Variants in DYNLT2B observed in about 807,000 individuals in gnomAD.
DYNLT2B encodes the protein dynein light chain Tctex-type protein 2B.
A neutral mutation model predicts 19.5 loss-of-function variants in DYNLT2B; 14 were observed. That is an observed-to-expected ratio of 0.72 (90% CI 0.47 to 1.12). DYNLT2B has a LOEUF of 1.12. DYNLT2B is among the 50% of genes most tolerant of loss of function. DYNLT2B has a pLI of 0.00. For synonymous variants in DYNLT2B, 70 were observed against 59.7 expected, an observed-to-expected ratio of 1.17 and a Z score of -0.79; for missense variants, 133 against 174.7, an observed-to-expected ratio of 0.76 and a Z score of 1.35.
At chr3:196,292,534 A>G (rs141105997) in intron 4 of DYNLT2B, 1 of 152,352 alleles carries the variant, frequency 6.6e-6, no homozygotes, top group Non-Finnish European at 1.5e-5. Context: ...GAAATGAAAA[A>G]AAGGAACATA....
At chr3:196,306,506 TATG>T (rs1726492734) in intron 3 of DYNLT2B, among the ~76,000 whole-genome samples, 2 of 152,130 alleles carry the variant, frequency 1.3e-5, no homozygotes, top group African/African-American at 2.4e-5. Context: ...CAGCATATTT[TATG>T]ATATTAAGGA....
Position 196,318,099 on chromosome 3 carries a change from A to T in DYNLT2B, c.54T>A (p.Ala18=). ...SFSVGDGVPE[A]EKNAGEPENT... ...TCTCGGGCTCCCCTGCGTTCTTCTCAGCCTCAGGCACCCCGTCGCCCACCG... is the reference window on the plus strand; with the variant it reads ...TCTCGGGCTCCCCTGCGTTCTTCTCTGCCTCAGGCACCCCGTCGCCCACCG... The change falls in exon 1 of 5, where the codon GCT becomes GCA. Residue 18 remains alanine, a synonymous_variant. Coordinates refer to ENST00000325318, the MANE Select transcript of DYNLT2B (RefSeq NM_152773.5). 6.4e-7 allele frequency: 1 copy of T among 1,560,066 alleles called. No homozygotes were observed. The highest frequency in any genetic ancestry group is 1.4e-5 in the African/African-American group (1 of 68,992).
rs1372143369 is a variant in DYNLT2B at position 196,316,146 on chromosome 3, G to A, written c.199C>T (p.Pro67Ser). 1.9e-6 allele frequency: 3 copies of A among 1,613,568 alleles called. No individual in the cohort carries two copies. The highest frequency in any genetic ancestry group is 1.7e-5 in the Admixed American group (1 of 59,960). Reference protein sequence around the residue: ...ANAEYSPEEMPQLTKHLSENI... With the variant: ...ANAEYSPEEMSQLTKHLSENI... ...TCTGATAAATGTTTTGTAAGCTGAG[G>A]CATTTCTTCTGGAGAATATTCAGCA... The change falls in exon 2 of 5, where the codon CCT becomes TCT. Residue 67 changes from proline to serine, a missense_variant. Transcript: ENST00000325318.
intron 2 of DYNLT2B, among the ~76,000 whole-genome samples, chr3:196,315,039 G>C (rs900130828): frequency 2.6e-4 from 39 of 151,988 alleles, no homozygotes; most frequent in African/African-American, 9.4e-4. Context: ...AAATACAGGG[G>C]AAAGGAGTCC....
At chr3:196,308,165 C>T (rs552409515) in intron 2 of DYNLT2B, among the ~76,000 whole-genome samples, 1 of 150,406 alleles carries the variant, frequency 6.6e-6, no homozygotes, top group East Asian at 2.0e-4. Flanking sequence ...GTATGATGTA[C>T]ATCAGGAACA....
At chr3:196,303,371 C>T (rs997835987) in intron 3 of DYNLT2B, among the ~76,000 whole-genome samples, 3 of 152,118 alleles carry the variant, frequency 2.0e-5, no homozygotes, top group Non-Finnish European at 4.4e-5. Flanking sequence ...CATGATGAAT[C>T]GGCTCTGTCT....
In DYNLT2B at chr3:196,318,108, C is replaced by G. The variant is rs978978128; in HGVS notation, c.45G>C (p.Val15=). Residue 15 remains valine, a synonymous_variant, in exon 1 of 5, where the codon GTG becomes GTC. Coordinates refer to ENST00000325318, the MANE Select transcript of DYNLT2B (RefSeq NM_152773.5). The part of the protein sequence containing the change: ...IGVSFSVGDG[V]PEAEKNAGEP... ...CCCCTGCGTTCTTCTCAGCCTCAGG[C>G]ACCCCGTCGCCCACCGAGAAGGACA... The G allele has an allele frequency of 2.7e-6, 4 of 1,490,516 alleles. No homozygotes were observed. The highest frequency in any genetic ancestry group is 3.6e-6 in the Non-Finnish European group (4 of 1,125,486). 92.3% of individuals were successfully genotyped at this position (1,490,516 alleles called of 1,614,324 possible). A position where few individuals can be genotyped will look rare whatever the true frequency, so the allele number is the denominator to read the frequency against.
intron 3 of DYNLT2B, among the ~76,000 whole-genome samples, chr3:196,306,092 G>T (rs1468301852): frequency 2.0e-5 from 3 of 151,986 alleles, no homozygotes; most frequent in Admixed American, 1.3e-4. Context: ...GACCTTGTTT[G>T]AATCTTAATT....
chr3:196,301,252 G>A (rs1321313958), intron 3 of DYNLT2B, among the ~76,000 whole-genome samples: 1 of 152,144 alleles, frequency 6.6e-6, no homozygotes, highest in African/African-American at 2.4e-5. Context: ...AGTCCTTTCT[G>A]GAAGAAAATA....
intron 3 of DYNLT2B, among the ~76,000 whole-genome samples, chr3:196,297,826 C>A (rs886527205): frequency 2.0e-5 from 3 of 152,146 alleles, no homozygotes; most frequent in Non-Finnish European, 4.4e-5. Flanking sequence ...CACAGAGAAA[C>A]ATACACATAT....
At chr3:196,304,501 G>A (rs1045300859) in intron 3 of DYNLT2B, among the ~76,000 whole-genome samples, 1 of 152,024 alleles carries the variant, frequency 6.6e-6, no homozygotes, top group African/African-American at 2.4e-5. Context: ...AAATCAACCT[G>A]GCTGGGTGCA....
rs770779571 is a variant in DYNLT2B at position 196,318,077 on chromosome 3, C to T, written c.76G>A (p.Glu26Lys). 2.6e-6 allele frequency: 4 copies of T among 1,564,890 alleles called. No homozygotes were observed. In the South Asian group the frequency reaches 3.5e-5, roughly 14 times the overall value. ...PEAEKNAGEP[E>K]NTYILRPVFQ... ...ACAGGCCGCAGAATATAGGTGTTCT[C>T]GGGCTCCCCTGCGTTCTTCTCAGCC... The change falls in exon 1 of 5, where the codon GAG becomes AAG. Residue 26 changes from glutamate (E) to lysine (K), a missense_variant. Transcript: ENST00000325318.
At chr3:196,310,914 TCA>T (rs1726622474) in intron 2 of DYNLT2B, among the ~76,000 whole-genome samples, 1 of 151,872 alleles carries the variant, frequency 6.6e-6, no homozygotes, top group Non-Finnish European at 1.5e-5. Flanking sequence ...TCTTTGTATT[TCA>T]GTAGAGACGA....
intron 1 of DYNLT2B, among the ~76,000 whole-genome samples, chr3:196,316,916 T>TGTGTTGTGTG (rs1726826201): frequency 7.3e-6 from 1 of 136,988 alleles, no homozygotes; most frequent in Non-Finnish European, 1.5e-5. Flanking sequence ...TGTTGTGTGG[T>TGTGTTGTGTG]GTGTGTGTGT....
intron 2 of DYNLT2B, among the ~76,000 whole-genome samples, chr3:196,315,801 G>A (rs1273147055): frequency 2.6e-5 from 4 of 152,248 alleles, no homozygotes; most frequent in Admixed American, 2.6e-4. Context: ...GAACCCGGGA[G>A]GCGGAGTTTG....
chr3:196,299,089 T>TA (rs1726287904), intron 3 of DYNLT2B, among the ~76,000 whole-genome samples: 3 of 147,204 alleles, frequency 2.0e-5, no homozygotes, highest in African/African-American at 7.5e-5. Context: ...TTTTTTTTTT[T>TA]CTTTTTTTTT....
intron 3 of DYNLT2B, among the ~76,000 whole-genome samples, chr3:196,300,242 G>A (rs1053376086): frequency 6.6e-6 from 1 of 152,190 alleles, no homozygotes; most frequent in Non-Finnish European, 1.5e-5. Context: ...GCCATTTTCA[G>A]CACTGAGTTT....
chr3:196,293,709 A>G (rs190853703), intron 4 of DYNLT2B, among the ~76,000 whole-genome samples: 241 of 144,920 alleles, frequency 1.7e-3, no homozygotes, highest in African/African-American at 5.7e-3. Context: ...CAGTGGCACA[A>G]TCTCGCCTCA....
At chr3:196,308,964 T>C (rs1009769991) in intron 2 of DYNLT2B, among the ~76,000 whole-genome samples, 14 of 151,918 alleles carry the variant, frequency 9.2e-5, no homozygotes, top group African/African-American at 3.1e-4. Context: ...CCCCACATCA[T>C]ATCAGAGCAA....
Sources: allele counts gnomAD v4.1 joint callset (sites outside exome capture counted in the v4.1 genomes callset), GRCh38; gene constraint gnomAD v4.1.1; transcripts MANE v1.5; gene names NCBI Gene and HGNC (gene_info 2026-07-23, HGNC 2026-07-21).